The following WDR64 variants were observed in gnomAD, a reference collection of about 807,000 sequenced individuals.
WDR64 encodes the protein WD repeat domain 64, also known as WD repeat-containing protein 64.
In WDR64, 112 loss-of-function variants were observed where a neutral mutation model predicts 139.3. The ratio of observed to expected loss-of-function variants is 0.80; its 90% CI spans 0.69 to 0.94. The LOEUF is 0.94. Among genes scored for constraint, WDR64 ranks in the 40% least tolerant of loss-of-function variants. WDR64 has a pLI of 0.00. For synonymous variants in WDR64, 444 were observed against 437.7 expected, an observed-to-expected ratio of 1.01 and a Z score of -0.18; for missense variants, 1,206 against 1,293.1, an observed-to-expected ratio of 0.93 and a Z score of 1.03.
chr1:241,790,016 G>A (rs974050656), intron 24 of WDR64, among the ~76,000 whole-genome samples: 3 of 152,086 alleles, frequency 2.0e-5, no homozygotes, highest in Non-Finnish European at 4.4e-5. Context: ...TCCTAATATA[G>A]AGTTTCCCCT....
rs1656259877 is a variant in WDR64, at chr1:241,790,943, G to T, written c.2997+247G>T. 2.7e-5 allele frequency among the ~76,000 whole-genome samples: 4 copies of T among 150,624 alleles called. No individual in the cohort carries two copies. The South Asian group carries it at 8.3e-4, about 31-fold the overall frequency. On this transcript the variant is annotated intron_variant, in intron 25 of 27. Transcript: ENST00000437684. The stretch of plus-strand genomic sequence containing the variant: ...CTGAGTTTCTTTCTGAAGGTTGTAA[G>T]AGAGAAGACCGTATTCCTTAGCTTT...
chr1:241,790,418 AAT>A (rs1462177776), intron 24 of WDR64, among the ~76,000 whole-genome samples, 171 bp from the exon 25 acceptor site: 1 of 152,130 alleles, frequency 6.6e-6, no homozygotes, highest in East Asian at 1.9e-4. Flanking sequence ...TCTATAGAGG[AAT>A]ATTTGGGAAA....
intron 25 of WDR64, among the ~76,000 whole-genome samples, chr1:241,792,657 A>C (rs1273928768): frequency 6.6e-6 from 1 of 152,254 alleles, no homozygotes; most frequent in Non-Finnish European, 1.5e-5. Context: ...GGTTTAAAAT[A>C]AAGTGGCTGA....
chr1:241,784,956 A>T (rs1461021535), intron 23 of WDR64, among the ~76,000 whole-genome samples: 2 of 95,886 alleles, frequency 2.1e-5, no homozygotes, highest in Non-Finnish European at 4.5e-5. Flanking sequence ...TCTGTCTGAA[A>T]AAAAAAAAAA....
intron 6 of WDR64, among the ~76,000 whole-genome samples, chr1:241,680,785 G>GCAGACTCAGCCGGGCTCT (rs71174830): frequency 1.3e-5 from 2 of 151,554 alleles, no homozygotes; most frequent in Non-Finnish European, 2.9e-5. Flanking sequence ...CTTCGGGTCT[G>GCAGACTCAGCCGGGCTCT]CAGTAGCTTC....
At chr1:241,687,659 C>A (rs1270153469) in intron 8 of WDR64, 64 bp downstream of exon 8, 17 of 1,470,594 alleles carry the variant, frequency 1.2e-5, no homozygotes, top group Non-Finnish European at 1.5e-5. Flanking sequence ...AATGATAAAA[C>A]CATGACAGCT....
At chr1:241,709,832 C>T (rs1267215840) in intron 8 of WDR64, among the ~76,000 whole-genome samples, 1 of 151,980 alleles carries the variant, frequency 6.6e-6, no homozygotes, top group Non-Finnish European at 1.5e-5. Context: ...AGCCCTTTCA[C>T]AAGATACTGT....
chr1:241,790,168 T>C (rs940905907), intron 24 of WDR64, among the ~76,000 whole-genome samples: 19 of 152,088 alleles, frequency 1.2e-4, no homozygotes, highest in African/African-American at 4.6e-4. Flanking sequence ...CTGGCCAACA[T>C]GGCGAAACCC....
intron 3 of WDR64, among the ~76,000 whole-genome samples, chr1:241,672,742 T>C (rs765687742): frequency 1.3e-5 from 2 of 152,064 alleles, no homozygotes; most frequent in Non-Finnish European, 2.9e-5. Context: ...AGCATGGTGG[T>C]TGATGGGGTG....
intron 8 of WDR64, among the ~76,000 whole-genome samples, chr1:241,702,575 T>A (rs6698986): frequency 6.6e-6 from 1 of 151,438 alleles, no homozygotes; most frequent in African/African-American, 2.4e-5. Context: ...GAAACTATCA[T>A]AGATTAGTTT....
intron 10 of WDR64, among the ~76,000 whole-genome samples, chr1:241,733,134 C>T (rs997558848): frequency 6.6e-6 from 1 of 152,032 alleles, no homozygotes; most frequent in African/African-American, 2.4e-5. Context: ...ATGTTTTTCC[C>T]ATTGTTAAAA....
rs554189569 is a variant in WDR64, at chr1:241,657,907, A to C, written c.146-2623A>C. On this transcript the variant is annotated intron_variant, in intron 1 of 27. Transcript: ENST00000437684. ...AGGGAACATTTCTAGCATCCCAGAA[A>C]GTTCCCTCATGCCTTTTGCAGCAAT... Among the ~76,000 whole-genome samples, 14 of 152,268 alleles carry C rather than the reference A, an allele frequency of 9.2e-5. No homozygotes were observed. The East Asian group carries it at 2.7e-3, about 29-fold the overall frequency.
At chr1:241,677,386 A>G in intron 4 of WDR64, 1 of 398,558 alleles carries the variant, frequency 2.5e-6, no homozygotes. Context: ...CAGATGAAAG[A>G]CAGTCTGTGG....
chr1:241,792,354 G>T (rs1018867951), intron 25 of WDR64, among the ~76,000 whole-genome samples: 1 of 152,078 alleles, frequency 6.6e-6, no homozygotes, highest in Admixed American at 6.6e-5. Context: ...GACTAACATG[G>T]TGAAACCCTG....
In WDR64 at chr1:241,741,530, G is replaced by T; in HGVS notation, c.1336G>T (p.Asp446Tyr). 2 of 1,608,312 alleles carry T rather than the reference G, an allele frequency of 1.2e-6. No homozygotes were observed. Among genetic ancestry groups the T allele is most frequent in the Non-Finnish European group, 1.7e-6 (2 of 1,178,402 alleles). ...GMLITGSSVM[D>Y]MYPLTRMIQD... ...TTCTGTTCCAGGATCTAGTGTTATG[G>T]ACATGTATCCTTTGACTAGGATGAT... Residue 446 changes from aspartate (D) to tyrosine (Y), a missense_variant, in exon 12 of 28, where the codon GAC becomes TAC. By Grantham distance (160) the Asp-to-Tyr change is radical. Coordinates refer to ENST00000437684, the MANE Select transcript of WDR64 (RefSeq NM_001367482.1).
At chr1:241,699,555 T>C (rs1322715511) in intron 8 of WDR64, among the ~76,000 whole-genome samples, 1 of 152,140 alleles carries the variant, frequency 6.6e-6, no homozygotes, top group Middle Eastern at 3.4e-3. Flanking sequence ...CAGGAGTGCT[T>C]AGAACATCTT....
At chr1:241,772,753 A>G (rs6429310) in intron 19 of WDR64, 39 bp from the exon 20 acceptor site, 236,350 of 1,545,140 alleles carry the variant, frequency 0.15, 20,319 homozygotes, top group African/African-American at 0.27. Context: ...GTGAGCCACC[A>G]CGCCTGGCCT....
In WDR64 at chr1:241,738,473, T is replaced by C. The variant is rs756153372; in HGVS notation, c.1305T>C (p.His435=). The C allele has an allele frequency of 1.2e-6, 2 of 1,611,864 alleles. No homozygotes were observed. Among genetic ancestry groups the C allele is most frequent in the Non-Finnish European group, 1.7e-6 (2 of 1,179,282 alleles). The change falls in exon 11 of 28, where the codon CAT becomes CAC. Residue 435 remains histidine, a synonymous_variant. Transcript: ENST00000437684. ...QIYSMIYDAN[H]GMLITGSSVM... is the part of the protein sequence containing the mutation. ...ACTCTATGATATATGATGCCAATCA[T>C]GGCATGCTTATTACGGGTAAGTGTA... is the stretch of plus-strand genomic sequence containing the variant.
chr1:241,655,251 C>T (rs1042385220), intron 1 of WDR64, among the ~76,000 whole-genome samples: 1 of 152,000 alleles, frequency 6.6e-6, no homozygotes, highest in Non-Finnish European at 1.5e-5. Context: ...GGCATGGTGA[C>T]GTGTGCCTGT....
Sources: allele counts gnomAD v4.1 joint callset (sites outside exome capture counted in the v4.1 genomes callset), GRCh38; gene constraint gnomAD v4.1.1; transcripts MANE v1.5; gene names NCBI Gene and HGNC (gene_info 2026-07-23, HGNC 2026-07-21).